Variants in TLL2 observed in about 807,000 individuals in gnomAD.
TLL2 encodes tolloid like 2.
A neutral mutation model predicts 123.0 loss-of-function variants in TLL2; 106 were observed. That is an observed-to-expected ratio of 0.86 (90% CI 0.74 to 1.01). The LOEUF is 1.01. Ranked by LOEUF, TLL2 falls within the 50% of genes least tolerant of loss-of-function variation. The pLI is 0.00. For synonymous variants in TLL2, 494 were observed against 516.8 expected (o/e 0.96, Z 0.60); for missense variants, 1,332 against 1,336.7 (o/e 1.00, Z 0.06).
At chr10:96,505,890 G>T (rs1260304235) in intron 1 of TLL2, among the ~76,000 whole-genome samples, 1 of 152,190 alleles carries the variant, frequency 6.6e-6, no homozygotes, top group Non-Finnish European at 1.5e-5. Flanking sequence ...TCTATTAACG[G>T]CATGATACAC....
At chr10:96,376,325 C>T (rs1846137678) in intron 18 of TLL2, among the ~76,000 whole-genome samples, 1 of 152,298 alleles carries the variant, frequency 6.6e-6, no homozygotes, top group Non-Finnish European at 1.5e-5. Flanking sequence ...TTTCTATTTC[C>T]AACCTCCTGT....
rs148679965 is a variant in TLL2 at position 96,503,221 on chromosome 10, T to C, written c.175+10290A>G. Among the ~76,000 whole-genome samples, 610 of 152,188 alleles carry C rather than the reference T, an allele frequency of 4.0e-3. 4 individuals carry two copies. The highest frequency in any genetic ancestry group is 0.014 in the Middle Eastern group (4 of 294). On this transcript the variant is annotated intron_variant, in intron 1 of 20. Coordinates refer to ENST00000357947, the MANE Select transcript of TLL2 (RefSeq NM_012465.4). ...CAGCCCTGAGAGGGAGAGATTAGCA[T>C]TCACAGGCCAGTGAGGTTGTTACTT...
chr10:96,417,891 T>C (rs754724732), intron 7 of TLL2, among the ~76,000 whole-genome samples: 1 of 152,224 alleles, frequency 6.6e-6, no homozygotes, highest in Non-Finnish European at 1.5e-5. Context: ...TAACCCACAG[T>C]ATCATCAAAA....
chr10:96,421,530 G>A (rs551937734), intron 6 of TLL2, among the ~76,000 whole-genome samples: 14 of 152,238 alleles, frequency 9.2e-5, no homozygotes, highest in Middle Eastern at 3.4e-3. Context: ...CGGGCATGGT[G>A]GCGGGTGCCT....
At chr10:96,401,381 C>A (rs989487832) in intron 10 of TLL2, among the ~76,000 whole-genome samples, 6 of 152,168 alleles carry the variant, frequency 3.9e-5, no homozygotes, top group African/African-American at 1.4e-4. Flanking sequence ...TCGGCCGACA[C>A]AATGCACTTG....
intron 3 of TLL2, among the ~76,000 whole-genome samples, chr10:96,436,736 A>T (rs1407727137): frequency 6.6e-6 from 1 of 150,906 alleles, no homozygotes; most frequent in Non-Finnish European, 1.5e-5. Flanking sequence ...CCCAGGCTGG[A>T]GTGCAGTGGC....
At chr10:96,455,330 C>G (rs1004585437) in intron 2 of TLL2, among the ~76,000 whole-genome samples, 2 of 152,134 alleles carry the variant, frequency 1.3e-5, no homozygotes, top group African/African-American at 2.4e-5. Context: ...ATCCCTGGGA[C>G]AGTGGAGCTG....
chr10:96,510,206 T>C (rs573314521), intron 1 of TLL2, among the ~76,000 whole-genome samples: 1 of 152,334 alleles, frequency 6.6e-6, no homozygotes, highest in Admixed American at 6.5e-5. Context: ...CTCCCAAGCT[T>C]TGCTGTCAGA....
chr10:96,471,920 G>T (rs977684248), intron 2 of TLL2, among the ~76,000 whole-genome samples: 3 of 152,160 alleles, frequency 2.0e-5, no homozygotes, highest in Non-Finnish European at 2.9e-5. Context: ...GTGCGTGTGT[G>T]TGTGTACCTA....
intron 7 of TLL2, among the ~76,000 whole-genome samples, chr10:96,418,382 C>T (rs1846586077): frequency 6.6e-6 from 1 of 152,126 alleles, no homozygotes; most frequent in Non-Finnish European, 1.5e-5. Context: ...ACACAAATGC[C>T]CTACATGGTA....
chr10:96,438,190 A>G (rs1846815547), intron 3 of TLL2, among the ~76,000 whole-genome samples: 2 of 152,216 alleles, frequency 1.3e-5, no homozygotes, highest in African/African-American at 2.4e-5. Context: ...AACCTATAGA[A>G]CAATCTGGAG....
chr10:96,426,964 T>G (rs1846684091), intron 5 of TLL2, among the ~76,000 whole-genome samples: 1 of 152,210 alleles, frequency 6.6e-6, no homozygotes. Context: ...TATTTCATTG[T>G]CACTATTGTC....
intron 3 of TLL2, among the ~76,000 whole-genome samples, chr10:96,441,528 C>T (rs895325622): frequency 2.6e-5 from 4 of 152,186 alleles, no homozygotes; most frequent in Non-Finnish European, 4.4e-5. Context: ...GATTACAAAG[C>T]TCAGTGAAGT....
In TLL2 at chr10:96,384,632, C is replaced by G; in HGVS notation, c.2149G>C (p.Asp717His). The G allele has an allele frequency of 6.2e-7, 1 of 1,608,028 alleles. No homozygotes were observed. The highest frequency in any genetic ancestry group is 1.7e-5 in the Admixed American group (1 of 59,606). ...SNNMRVEFKS[D>H]NTVSKRGFRA... is the part of the protein sequence containing the mutation. Reference sequence around the variant, plus strand: ...AAGCCGCGCTTGGAGACGGTGTTGTCGGACTTGAACTCCACGCGCATGTTG... The same window carrying G: ...AAGCCGCGCTTGGAGACGGTGTTGTGGGACTTGAACTCCACGCGCATGTTG... Residue 717 changes from aspartate (D) to histidine (H), a missense_variant, in exon 16 of 21, where the codon GAC (aspartate) becomes CAC (histidine). By Grantham distance (81) the Asp-to-His change is moderately conservative. Transcript: ENST00000357947.
At chr10:96,380,692 C>CAAAAAAA (rs57395382) in intron 16 of TLL2, among the ~76,000 whole-genome samples, 6 of 53,060 alleles carry the variant, frequency 1.1e-4, no homozygotes, top group African/African-American at 3.1e-4. Context: ...GACTCTATCT[C>CAAAAAAA]AAAAAAAAAA....
Position 96,414,440 on chromosome 10 carries a change from G to A in TLL2, c.924-1124C>T, listed in dbSNP as rs566791574. Among the ~76,000 whole-genome samples the A allele has an allele frequency of 7.6e-4, 115 of 152,106 alleles. 1 individual carries two copies. The highest frequency in any genetic ancestry group is 2.6e-3 in the African/African-American group (106 of 41,484). On this transcript the variant is annotated intron_variant, in intron 7 of 20. Coordinates refer to ENST00000357947, the MANE Select transcript of TLL2 (RefSeq NM_012465.4). ...TGCCCTCTCTCCAGCACTGACCTCC[G>A]ATGCCCTCCTCCCTCCTCACTGTCT...
At chr10:96,481,525 A>C (rs1480392118) in intron 1 of TLL2, among the ~76,000 whole-genome samples, 1 of 152,164 alleles carries the variant, frequency 6.6e-6, no homozygotes, top group Non-Finnish European at 1.5e-5. Flanking sequence ...TGTAACAAAA[A>C]TCCATTGCCT....
intron 20 of TLL2, among the ~76,000 whole-genome samples, chr10:96,368,709 G>A (rs1470536894): frequency 6.6e-6 from 1 of 152,168 alleles, no homozygotes; most frequent in Non-Finnish European, 1.5e-5. Flanking sequence ...CAAAGACCAT[G>A]GTTCAGGCCT....
At chr10:96,385,003 C>G (rs1846220449) in intron 15 of TLL2, among the ~76,000 whole-genome samples, 1 of 152,192 alleles carries the variant, frequency 6.6e-6, no homozygotes, top group Non-Finnish European at 1.5e-5. Context: ...CACAGGGCTC[C>G]CAAACCTGCA....
Sources: gnomAD v4.1 joint callset for allele counts (sites outside exome capture counted in the v4.1 genomes callset) on GRCh38, gnomAD v4.1.1 for gene constraint, MANE v1.5 for transcripts, NCBI Gene and HGNC (gene_info 2026-07-23, HGNC 2026-07-21) for gene names.